Variants in FAT3 observed in about 807,000 individuals in gnomAD.
FAT3 encodes the protein FAT atypical cadherin 3.
In FAT3, 95 loss-of-function variants were observed where a neutral mutation model predicts 310.2. The observed-to-expected ratio is 0.31, with a 90% CI of 0.26 to 0.36. FAT3 has a LOEUF of 0.36. Ranked by LOEUF, FAT3 falls within the 10% of genes least tolerant of loss-of-function variation. The pLI is 1.00. For synonymous variants in FAT3, 2,314 were observed against 2,192.9 expected, an observed-to-expected ratio of 1.06 and a Z score of -1.54; for missense variants, 5,408 against 5,715.6, an observed-to-expected ratio of 0.95 and a Z score of 1.74.
chr11:92,589,257 TA>T (rs1390616518), intron 3 of FAT3, among the ~76,000 whole-genome samples: 2 of 152,022 alleles, frequency 1.3e-5, no homozygotes, highest in Non-Finnish European at 1.5e-5. Context: ...TACCCATTTG[TA>T]AAAAAAGGCT....
intron 2 of FAT3, among the ~76,000 whole-genome samples, chr11:92,461,255 CA>C (rs1951631302): frequency 6.6e-6 from 1 of 152,076 alleles, no homozygotes; most frequent in Non-Finnish European, 1.5e-5. Flanking sequence ...AAGGGCTTCC[CA>C]TGCTTTTTCT....
intron 3 of FAT3, among the ~76,000 whole-genome samples, chr11:92,670,871 G>C (rs1480367193): frequency 6.6e-6 from 1 of 152,122 alleles, no homozygotes; most frequent in African/African-American, 2.4e-5. Flanking sequence ...GGAAGCCTCT[G>C]AATCCCAGGC....
At chr11:92,796,024 C>T (rs1309340904) in intron 9 of FAT3, among the ~76,000 whole-genome samples, 1 of 152,030 alleles carries the variant, frequency 6.6e-6, no homozygotes, top group Non-Finnish European at 1.5e-5. Flanking sequence ...GAGGACTTAC[C>T]TAGAAACTCT....
At chr11:92,340,329 G>A (rs1289605812) in intron 1 of FAT3, among the ~76,000 whole-genome samples, 5 of 151,948 alleles carry the variant, frequency 3.3e-5, no homozygotes, top group African/African-American at 4.8e-5. Context: ...ACTGGTAAGC[G>A]GCTTAAGGCT....
At chr11:92,829,424 TAA>T (rs1948183104) in intron 13 of FAT3, among the ~76,000 whole-genome samples, 1 of 152,228 alleles carries the variant, frequency 6.6e-6, no homozygotes, top group Non-Finnish European at 1.5e-5. Context: ...TGTGTTTCCA[TAA>T]ATGCATTTTT....
chr11:92,345,143 A>G (rs892960231), intron 1 of FAT3, among the ~76,000 whole-genome samples: 2 of 152,106 alleles, frequency 1.3e-5, no homozygotes, highest in Non-Finnish European at 2.9e-5. Flanking sequence ...TTTTATGATT[A>G]TAATTCCTAT....
In FAT3 at chr11:92,798,920, C is replaced by A; in HGVS notation, c.5907C>A (p.Thr1969=). The A allele has an allele frequency of 6.2e-7, 1 of 1,613,974 alleles. No homozygotes were observed. The highest frequency in any genetic ancestry group is 1.1e-5 in the South Asian group (1 of 91,082). Residue 1969 remains threonine (T), a synonymous_variant, in exon 10 of 28, where the codon ACC becomes ACA. Transcript: ENST00000525166. ...AGTTCTACAGTACCTCCATGGTCACCATCATGGTTAAAGAAGCCATGGACA... is the reference window on the plus strand; with the variant it reads ...AGTTCTACAGTACCTCCATGGTCACAATCATGGTTAAAGAAGCCATGGACA... The part of the protein sequence containing the change: ...DGKFYSTSMV[T]IMVKEAMDSG...
intron 4 of FAT3, among the ~76,000 whole-genome samples, chr11:92,747,987 A>G (rs1346578063): frequency 1.3e-5 from 2 of 152,216 alleles, no homozygotes; most frequent in Non-Finnish European, 2.9e-5. Flanking sequence ...TTTGCCTGTT[A>G]CTGAGTTCCA....
intron 1 of FAT3, among the ~76,000 whole-genome samples, chr11:92,253,999 G>A (rs1037040697): frequency 6.6e-6 from 1 of 152,120 alleles, no homozygotes; most frequent in Admixed American, 6.6e-5. Context: ...AAATGGCATC[G>A]TTTATTTGCA....
At chr11:92,413,612 G>C (rs771219250) in intron 2 of FAT3, among the ~76,000 whole-genome samples, 1 of 152,080 alleles carries the variant, frequency 6.6e-6, no homozygotes, top group African/African-American at 2.4e-5. Flanking sequence ...CCCTATGCTG[G>C]ATCTTGCCAT....
Position 92,844,713 on chromosome 11 carries a change from C to T in FAT3, c.11346C>T (p.Asn3782=), listed in dbSNP as rs761520444. 24 of 1,548,718 alleles carry T rather than the reference C, an allele frequency of 1.5e-5. No homozygotes were observed. In the South Asian group the frequency reaches 2.4e-4, roughly 16 times the overall value. Residue 3782 remains asparagine (N), a synonymous_variant, in exon 19 of 28, where the codon AAC becomes AAT. Transcript: ENST00000525166. ...ISFVCPRFYR[N]VRCTCNGGLC... ...TTGTGTGTCCGCGTTTCTACAGGAACGTGCGTTGCACCTGCAATGGTGAGT... is the reference window on the plus strand; with the variant it reads ...TTGTGTGTCCGCGTTTCTACAGGAATGTGCGTTGCACCTGCAATGGTGAGT...
At chr11:92,369,696 A>G (rs979154008) in intron 2 of FAT3, among the ~76,000 whole-genome samples, 52 of 152,054 alleles carry the variant, frequency 3.4e-4, no homozygotes, top group African/African-American at 1.2e-3. Context: ...AAAATACAAA[A>G]ATTAGCTAGG....
intron 2 of FAT3, among the ~76,000 whole-genome samples, chr11:92,397,747 T>C: frequency 6.6e-6 from 1 of 150,846 alleles, no homozygotes; most frequent in Non-Finnish European, 1.5e-5. Context: ...CCTCTTCTCC[T>C]TCCCAGAATT....
At chr11:92,301,563 A>G (rs1276457881) in intron 1 of FAT3, among the ~76,000 whole-genome samples, 1 of 152,040 alleles carries the variant, frequency 6.6e-6, no homozygotes, top group Non-Finnish European at 1.5e-5. Context: ...GGGAATGGCA[A>G]ATGGGGGCAG....
chr11:92,364,406 A>G (rs184458884), intron 2 of FAT3, among the ~76,000 whole-genome samples: 1 of 152,284 alleles, frequency 6.6e-6, no homozygotes, highest in Admixed American at 6.5e-5. Context: ...CAGTGGGATA[A>G]ATTTATTGCC....
chr11:92,721,209 G>A (rs956817636), intron 4 of FAT3, among the ~76,000 whole-genome samples: 1 of 152,162 alleles, frequency 6.6e-6, no homozygotes, highest in Non-Finnish European at 1.5e-5. Context: ...TCAGGATAAT[G>A]CAAGAAATAG....
At position 92,225,125 on chromosome 11, in the gene FAT3, A is replaced by G. The variant is rs1044438317; in HGVS notation, c.-67A>G. ...GAGCGCCGAGCACCGGGTGAAGAAG[A>G]CCACGGGGGAGGCGCCTCGTAGAGC... On this transcript the variant is annotated 5_prime_UTR_variant, in exon 1 of 28. Coordinates refer to ENST00000525166, the MANE Select transcript of FAT3 (RefSeq NM_001367949.2). Among the ~76,000 whole-genome samples the G allele has an allele frequency of 5.3e-5, 8 of 152,076 alleles. No individual in the cohort carries two copies. The highest frequency in any genetic ancestry group is 1.0e-4 in the Non-Finnish European group (7 of 67,996).
chr11:92,430,575 A>C (rs1457773389), intron 2 of FAT3, among the ~76,000 whole-genome samples: 1 of 151,902 alleles, frequency 6.6e-6, no homozygotes, highest in Admixed American at 6.6e-5. Context: ...TTAGTTACAT[A>C]TGTATACATG....
At chr11:92,491,889 G>T (rs1952609833) in intron 2 of FAT3, among the ~76,000 whole-genome samples, 1 of 151,978 alleles carries the variant, frequency 6.6e-6, no homozygotes, top group South Asian at 2.1e-4. Flanking sequence ...GCACCTATAA[G>T]GATTGAACCA....
Sources: allele counts gnomAD v4.1 joint callset (sites outside exome capture counted in the v4.1 genomes callset), GRCh38; gene constraint gnomAD v4.1.1; transcripts MANE v1.5; gene names NCBI Gene and HGNC (gene_info 2026-07-23, HGNC 2026-07-21).